Variants in SNX1 observed in about 807,000 individuals in gnomAD.
SNX1 encodes the protein sorting nexin-1.
In SNX1, 36 loss-of-function variants were observed where a neutral mutation model predicts 71.8. That is an observed-to-expected ratio of 0.50 (90% CI 0.38 to 0.66). The LOEUF is 0.66. SNX1 is among the 30% of genes least tolerant of loss of function. The pLI, the probability that SNX1 is intolerant of heterozygous loss-of-function variation, is 0.00. For synonymous variants in SNX1, 254 were observed against 240.7 expected (o/e 1.06, Z -0.51); for missense variants, 612 against 646.7 (o/e 0.95, Z 0.58).
Position 64,142,838 on chromosome 15 carries a change from A to G in SNX1, c.*5220A>G, listed in dbSNP as rs972343639. On this transcript the variant is annotated 3_prime_UTR_variant, in exon 15 of 15. Coordinates refer to ENST00000559844, the MANE Select transcript of SNX1 (RefSeq NM_003099.5). ...TAAGAATTGTCGCCTACACAAAAAT[A>G]CCAGCAACTGTTAACTCTTCCCAGA... The G allele has an allele frequency of 5.2e-5, 18 of 346,778 alleles. No homozygotes were observed. Among genetic ancestry groups the G allele is most frequent in the Non-Finnish European group, 8.7e-5 (15 of 173,236 alleles). 21.5% of individuals were successfully genotyped at this position (346,778 alleles called of 1,614,324 possible).
At position 64,126,216 on chromosome 15, in the gene SNX1, C is replaced by T. The variant is rs763805528; in HGVS notation, c.648C>T (p.Leu216=). The T allele has an allele frequency of 3.1e-6, 5 of 1,613,418 alleles. No individual in the cohort carries two copies. The Admixed American group carries it at 8.4e-5, about 27-fold the overall frequency. ...FIVPPPPEKS[L]IGMTKVKVGK... ...TCCCTCCGCCCCCGGAGAAGAGCCT[C>T]ATAGGTAAGCCTGTGGTCTTTCATT... is the stretch of plus-strand genomic sequence containing the variant. Residue 216 remains leucine, a synonymous_variant, in exon 6 of 15, where the codon CTC becomes CTT. Coordinates refer to ENST00000559844, the MANE Select transcript of SNX1 (RefSeq NM_003099.5).
intron 12 of SNX1, among the ~76,000 whole-genome samples, chr15:64,136,083 T>C (rs2081356583): frequency 6.6e-6 from 1 of 152,228 alleles, no homozygotes; most frequent in Admixed American, 6.5e-5. Flanking sequence ...CAGAGCCTTC[T>C]TGAAGGACCA....
At chr15:64,108,844 C>T (rs146618877) in intron 1 of SNX1, among the ~76,000 whole-genome samples, 137 of 151,594 alleles carry the variant, frequency 9.0e-4, no homozygotes, top group Non-Finnish European at 1.7e-3. Flanking sequence ...AAAAATGAGC[C>T]AGGCGTGGTG....
chr15:64,100,385 AG>A (rs1247146987), intron 1 of SNX1, among the ~76,000 whole-genome samples: 7 of 152,036 alleles, frequency 4.6e-5, no homozygotes, highest in African/African-American at 1.5e-4. Flanking sequence ...GCGTATCACA[AG>A]GGCAGGAGTT....
At chr15:64,117,513 C>T (rs1011916323) in intron 2 of SNX1, among the ~76,000 whole-genome samples, 1 of 152,210 alleles carries the variant, frequency 6.6e-6, no homozygotes, top group African/African-American at 2.4e-5. Context: ...CCACCTTGGC[C>T]TCCCAAAGTG....
chr15:64,118,812 C>G lies in SNX1; in HGVS notation c.424C>G (p.Gln142Glu). 2 of 1,613,146 alleles carry G rather than the reference C, an allele frequency of 1.2e-6. No individual in the cohort carries two copies. The highest frequency in any genetic ancestry group is 1.7e-6 in the Non-Finnish European group (2 of 1,179,556). ...GCTAGAGGAAGAAGAACAGGAGGAT[C>G]AATTTGATTTGACAGTCGGTATAAC... Reference protein sequence around the residue: ...EELEEEEQEDQFDLTVGITDP... With the variant: ...EELEEEEQEDEFDLTVGITDP... Residue 142 changes from glutamine to glutamate, a missense_variant, in exon 4 of 15, where the codon CAA (glutamine) becomes GAA (glutamate). Around this residue, in one of 2 missense-constraint regions of SNX1, gnomAD observed 316 missense variants for 284.9 expected, o/e 1.11. Coordinates refer to ENST00000559844, the MANE Select transcript of SNX1 (RefSeq NM_003099.5).
Position 64,138,325 on chromosome 15 carries a change from C to CTG in SNX1, c.*708_*709insGT. 1 of 550,458 alleles carries CTG rather than the reference C, an allele frequency of 1.8e-6. No homozygotes were observed. Among genetic ancestry groups the CTG allele is most frequent in the Non-Finnish European group, 2.9e-6 (1 of 347,344 alleles). The allele number at this position is 550,458 out of a possible 1,614,324, so 34.1% of individuals were successfully genotyped here. ...AAGGAGGCAGAGACTTTCTCTCTCT[C>CTG]TTTTTTTTTTTTTTTTGGTGTCCCT... On this transcript the variant is annotated 3_prime_UTR_variant, in exon 15 of 15. Coordinates refer to ENST00000559844, the MANE Select transcript of SNX1 (RefSeq NM_003099.5).
chr15:64,112,759 CAA>C (rs376284102), intron 2 of SNX1, 75 bp downstream of exon 2: 3,225 of 578,682 alleles, frequency 5.6e-3, no homozygotes, highest in South Asian at 0.011. Context: ...AAGTCAAAAC[CAA>C]AAAAAAAAAA....
intron 1 of SNX1, among the ~76,000 whole-genome samples, chr15:64,109,328 C>T (rs367790788): frequency 6.6e-6 from 1 of 151,772 alleles, no homozygotes; most frequent in African/African-American, 2.4e-5. Context: ...GCCAAGACCA[C>T]GCCACTGCAC....
At chr15:64,119,275 G>A (rs777334126) in intron 4 of SNX1, among the ~76,000 whole-genome samples, 2 of 151,962 alleles carry the variant, frequency 1.3e-5, no homozygotes, top group Non-Finnish European at 1.5e-5. Flanking sequence ...CTGCAGGCAC[G>A]TGCTACCATG....
intron 1 of SNX1, among the ~76,000 whole-genome samples, chr15:64,110,924 C>T (rs1227171195): frequency 2.6e-5 from 4 of 152,158 alleles, no homozygotes; most frequent in Non-Finnish European, 4.4e-5. Flanking sequence ...AGGAATGGGT[C>T]CTTCTAGGCA....
At chr15:64,126,929 C>T (rs748402575) in intron 6 of SNX1, among the ~76,000 whole-genome samples, 1 of 152,034 alleles carries the variant, frequency 6.6e-6, no homozygotes, top group Non-Finnish European at 1.5e-5. Context: ...GTTCCATGGC[C>T]GCCTTTTTAA....
intron 10 of SNX1, among the ~76,000 whole-genome samples, chr15:64,131,368 G>GA (rs1285759017): frequency 6.6e-6 from 1 of 152,132 alleles, no homozygotes; most frequent in Non-Finnish European, 1.5e-5. Flanking sequence ...ATAAATATAA[G>GA]AATAGTTTCT....
At chr15:64,104,862 G>A (rs1226495797) in intron 1 of SNX1, among the ~76,000 whole-genome samples, 1 of 149,370 alleles carries the variant, frequency 6.7e-6, no homozygotes, top group African/African-American at 2.5e-5. Flanking sequence ...TCCAGCCTGG[G>A]CGACAGAGCA....
intron 1 of SNX1, among the ~76,000 whole-genome samples, chr15:64,100,553 C>T (rs540327137): frequency 5.8e-5 from 8 of 138,106 alleles, no homozygotes; most frequent in East Asian, 4.2e-4. Context: ...TGCAGTGAGC[C>T]GAGATCGTGC....
At chr15:64,124,995 ACTT>A (rs2081235318) in intron 5 of SNX1, among the ~76,000 whole-genome samples, 1 of 152,098 alleles carries the variant, frequency 6.6e-6, no homozygotes, top group South Asian at 2.1e-4. Context: ...TCTCTCTACT[ACTT>A]GTTGGCCTGC....
At chr15:64,136,962 C>G in intron 14 of SNX1, 30 bp downstream of exon 14, 1 of 1,585,002 alleles carries the variant, frequency 6.3e-7, no homozygotes, top group Non-Finnish European at 8.7e-7. Flanking sequence ...CCTTCATCCT[C>G]TACTGCCTGC....
rs1414648265 is a variant in SNX1 at position 64,127,158 on chromosome 15, T to C, written c.653-16T>C. On this transcript the variant is annotated splice_polypyrimidine_tract_variant and intron_variant, in intron 6 of 14. Transcript: ENST00000559844. ...TGATGATTTATGGTTATTTTGCTTTTTAAATTCCATTCTAGGGATGACAAA... is the reference window on the plus strand; with the variant it reads ...TGATGATTTATGGTTATTTTGCTTTCTAAATTCCATTCTAGGGATGACAAA... 2 of 1,592,924 alleles carry C rather than the reference T, an allele frequency of 1.3e-6. No homozygotes were observed. The highest frequency in any genetic ancestry group is 1.3e-5 in the African/African-American group (1 of 74,210).
chr15:64,118,977 T>C, intron 4 of SNX1, 123 bp downstream of exon 4: 1 of 678,830 alleles, frequency 1.5e-6, no homozygotes, highest in Non-Finnish European at 2.5e-6. Context: ...ATTAGTATCT[T>C]TTCTGTAAAA....
Sources: gnomAD v4.1 joint callset for allele counts (sites outside exome capture counted in the v4.1 genomes callset) on GRCh38, gnomAD v4.1.1 for gene constraint, gnomAD v4.1.1 regional missense constraint, MANE v1.5 for transcripts, NCBI Gene and HGNC (gene_info 2026-07-23, HGNC 2026-07-21) for gene names.